The following STIM1 variants were observed in gnomAD, a reference collection of about 807,000 sequenced individuals.
STIM1 encodes the protein stromal interaction molecule 1.
Under a neutral mutation model 74.7 loss-of-function variants are expected in STIM1, and 25 were observed. That is an observed-to-expected ratio of 0.33 (90% confidence interval 0.24 to 0.47). The LOEUF is 0.47. Among genes scored for constraint, STIM1 ranks in the 20% least tolerant of loss-of-function variants. The probability of loss-of-function intolerance (pLI) is 1.00; values close to 1 mark genes in which losing one functional copy is unlikely to be tolerated. For missense variants in STIM1, 728 were observed against 920.8 expected (o/e 0.79, Z 2.71); for synonymous variants, 328 against 348.8 (o/e 0.94, Z 0.66).
At chr11:3,954,824 T>C (rs1345978580) in intron 1 of STIM1, among the ~76,000 whole-genome samples, 2 of 152,200 alleles carry the variant, frequency 1.3e-5, no homozygotes, top group Admixed American at 6.5e-5. Flanking sequence ...ATGCCTACTT[T>C]AGAAAACAGT....
intron 3 of STIM1, among the ~76,000 whole-genome samples, chr11:4,034,153 C>T (rs1400743450): frequency 2.0e-5 from 3 of 151,876 alleles, no homozygotes; most frequent in African/African-American, 7.3e-5. Flanking sequence ...CGCTTGAACC[C>T]AGGAGGCGGA....
chr11:4,081,804 G>C (rs1348467792), intron 7 of STIM1, among the ~76,000 whole-genome samples: 7 of 152,214 alleles, frequency 4.6e-5, no homozygotes, highest in African/African-American at 1.7e-4. Context: ...GTCACACTGT[G>C]ATGTCTTGAA....
rs528457530 is a variant in STIM1, at chr11:3,887,647, C to CA, written c.139+31239dup. On this transcript the variant is annotated intron_variant, in intron 1 of 12. Transcript: ENST00000526596. ...GGGGTATGGCTGCTTTAGGGCCTTT[C>CA]ATTTCGTTTTCAGATTTGATGAAAG... Among the ~76,000 whole-genome samples, 969 of 152,200 alleles carry CA rather than the reference C, an allele frequency of 6.4e-3. 7 individuals carry two copies. Among genetic ancestry groups the CA allele is most frequent in the Non-Finnish European group, 0.01 (702 of 68,012 alleles).
In STIM1 at chr11:4,086,470, C is replaced by T. The variant is rs1234433480; in HGVS notation, c.1568-7C>T. ...CCCTCCTGACACTTTCTTTATTCTC[C>T]TTGCAGCCCCTAGCCTGCAGAGCAG... On this transcript the variant is annotated splice_polypyrimidine_tract_variant and splice_region_variant and intron_variant, in intron 11 of 12. Coordinates refer to ENST00000526596, the MANE Select transcript of STIM1 (RefSeq NM_001382567.1). 1 of 1,613,732 alleles carries T rather than the reference C, an allele frequency of 6.2e-7. No individual in the cohort carries two copies. The highest frequency in any genetic ancestry group is 8.5e-7 in the Non-Finnish European group (1 of 1,179,950).
intron 1 of STIM1, among the ~76,000 whole-genome samples, chr11:3,865,281 G>T (rs1346681457): frequency 6.6e-6 from 1 of 152,164 alleles, no homozygotes; most frequent in East Asian, 1.9e-4. Context: ...ACTTACCCAA[G>T]GTTTTGGTAA....
intron 3 of STIM1, among the ~76,000 whole-genome samples, chr11:4,049,283 A>G (rs1004226161): frequency 7.2e-5 from 11 of 151,942 alleles, no homozygotes; most frequent in African/African-American, 2.2e-4. Flanking sequence ...AGGACTTTCT[A>G]CAGGCATTAT....
intron 1 of STIM1, among the ~76,000 whole-genome samples, chr11:3,954,932 A>G (rs969119484): frequency 1.3e-5 from 2 of 152,254 alleles, no homozygotes; most frequent in Non-Finnish European, 2.9e-5. Flanking sequence ...ATATGTTCAT[A>G]CAAAGACTTG....
intron 2 of STIM1, among the ~76,000 whole-genome samples, chr11:4,014,421 G>T (rs987870890): frequency 2.0e-5 from 3 of 152,170 alleles, no homozygotes; most frequent in Admixed American, 2.0e-4. Flanking sequence ...GAGACAGTTT[G>T]TTGTGATTTC....
intron 3 of STIM1, among the ~76,000 whole-genome samples, chr11:4,035,566 C>A (rs777577373): frequency 4.6e-5 from 7 of 151,266 alleles, no homozygotes; most frequent in Non-Finnish European, 7.4e-5. Context: ...TTTTATATTT[C>A]CTTTTTGACA....
At chr11:4,005,703 C>G (rs1326604463) in intron 2 of STIM1, among the ~76,000 whole-genome samples, 2 of 151,966 alleles carry the variant, frequency 1.3e-5, no homozygotes, top group African/African-American at 4.8e-5. Context: ...ACATTGTGCA[C>G]ATGTACCCTA....
intron 8 of STIM1, among the ~76,000 whole-genome samples, 199 bp from the exon 9 acceptor site, chr11:4,082,682 TC>T (rs1278258178): frequency 6.6e-6 from 1 of 152,290 alleles, no homozygotes; most frequent in Non-Finnish European, 1.5e-5. Context: ...CCTTTGCTTC[TC>T]CCCTCGCTTT....
chr11:3,897,513 T>A (rs1017703851), intron 1 of STIM1, among the ~76,000 whole-genome samples: 1 of 152,192 alleles, frequency 6.6e-6, no homozygotes, highest in Non-Finnish European at 1.5e-5. Flanking sequence ...TTTATTTTTT[T>A]ATTTTATTAT....
At chr11:3,925,325 G>T (rs1212886935) in intron 1 of STIM1, among the ~76,000 whole-genome samples, 7 of 152,224 alleles carry the variant, frequency 4.6e-5, no homozygotes, top group Non-Finnish European at 1.0e-4. Flanking sequence ...AACCTGGGAG[G>T]CGGAGGTTTC....
chr11:3,871,906 C>A (rs905509377), intron 1 of STIM1, among the ~76,000 whole-genome samples: 1 of 152,216 alleles, frequency 6.6e-6, no homozygotes, highest in African/African-American at 2.4e-5. Context: ...TTTATTCATA[C>A]ACAAATTTGA....
intron 1 of STIM1, among the ~76,000 whole-genome samples, chr11:3,904,078 T>C (rs1394857810): frequency 6.6e-6 from 1 of 151,068 alleles, no homozygotes; most frequent in African/African-American, 2.4e-5. Flanking sequence ...GTGCCTGTAA[T>C]CTCAGCTAGA....
At chr11:3,904,220 G>T (rs376925475) in intron 1 of STIM1, among the ~76,000 whole-genome samples, 5 of 87,024 alleles carry the variant, frequency 5.7e-5, no homozygotes, top group East Asian at 3.5e-4. Flanking sequence ...AAAAAAAAAA[G>T]AAAATATACT....
chr11:3,912,582 T>C lies in STIM1; in HGVS notation c.140-54970T>C, dbSNP rs184658797. On this transcript the variant is annotated intron_variant, in intron 1 of 12. Coordinates refer to ENST00000526596, the MANE Select transcript of STIM1 (RefSeq NM_001382567.1). ...GGTTTCGCCATGTTGGCCAGGCTGT[T>C]CTTGAACTCCTGACCTCAAGTGATC... Among the ~76,000 whole-genome samples, 7 of 152,222 alleles carry C rather than the reference T, an allele frequency of 4.6e-5. No individual in the cohort carries two copies. In the East Asian group the frequency reaches 1.4e-3, roughly 30 times the overall value.
At chr11:4,013,136 T>C (rs1166448639) in intron 2 of STIM1, among the ~76,000 whole-genome samples, 4 of 152,228 alleles carry the variant, frequency 2.6e-5, no homozygotes, top group East Asian at 1.9e-4. Context: ...CAGTATTTTA[T>C]TGAGGATTTT....
At chr11:4,055,786 C>T (rs1336489472) in intron 4 of STIM1, 149 bp downstream of exon 4, 5 of 616,192 alleles carry the variant, frequency 8.1e-6, no homozygotes, top group African/African-American at 7.4e-5. Flanking sequence ...ATCTGTTGTG[C>T]ACTTGCTATA....
Sources: gnomAD v4.1 joint callset for allele counts (sites outside exome capture counted in the v4.1 genomes callset) on GRCh38, gnomAD v4.1.1 for gene constraint, MANE v1.5 for transcripts, NCBI Gene and HGNC (gene_info 2026-07-23, HGNC 2026-07-21) for gene names.